The following MEIS3 variants were observed in gnomAD, a reference collection of about 807,000 sequenced individuals.
MEIS3 encodes the protein Meis homeobox 3.
A neutral mutation model predicts 51.4 loss-of-function variants in MEIS3; 38 were observed. The observed-to-expected ratio is 0.74, with a 90% CI of 0.57 to 0.97. The LOEUF is 0.97. MEIS3 is among the 50% of genes least tolerant of loss of function. The pLI is 0.00. For missense variants in MEIS3, 456 were observed against 502.6 expected, an observed-to-expected ratio of 0.91 and a Z score of 0.89; for synonymous variants, 198 against 201.8, an observed-to-expected ratio of 0.98 and a Z score of 0.16.
upstream of MEIS3, among the ~76,000 whole-genome samples, chr19:47,420,972 T>TCC (rs1971697315): frequency 7.5e-6 from 1 of 133,874 alleles, no homozygotes; most frequent in Non-Finnish European, 1.6e-5. Context: ...TCTCTCTCTC[T>TCC]CTTCCTGGCT....
intron 6 of MEIS3, 109 bp from the exon 7 acceptor site, chr19:47,409,656 G>A (rs1971031266): frequency 1.0e-5 from 7 of 685,302 alleles, no homozygotes; most frequent in South Asian, 6.5e-5. Flanking sequence ...AAGGTCAAGA[G>A]ATCAAGACCA....
At position 47,417,412 on chromosome 19, in the gene MEIS3, G is replaced by C. The variant is rs1036508278; in HGVS notation, c.13-62C>G. The C allele has an allele frequency of 5.1e-6, 8 of 1,582,024 alleles. No individual in the cohort carries two copies. The South Asian group carries it at 6.7e-5, about 13-fold the overall frequency. On this transcript the variant is annotated intron_variant, in intron 1 of 12. Transcript: ENST00000558555. ...GGAGGGGTCAGCACCCCGAGACTCG[G>C]CTGAGGAGCTTCTCTATCCTGGAAC...
upstream of MEIS3, among the ~76,000 whole-genome samples, chr19:47,421,688 GCCTGGGCTATGTCTGTCTGTCTGTCA>G (rs1208574613): frequency 1.1e-4 from 17 of 151,334 alleles, no homozygotes; most frequent in Non-Finnish European, 1.8e-4. Flanking sequence ...CTCCATCTCC[GCCTGGGCTATGTCTGTCTGTCTGTCA>G]CCTGGGCTGT....
At chr19:47,408,975 G>T in intron 8 of MEIS3, 124 bp downstream of exon 8, 1 of 1,114,830 alleles carries the variant, frequency 9.0e-7, no homozygotes, top group Non-Finnish European at 1.3e-6. Context: ...ACCTCCATGA[G>T]AGTCTCGAAA....
intron 11 of MEIS3, 29 bp downstream of exon 11, chr19:47,406,859 C>A: frequency 1.3e-6 from 2 of 1,541,748 alleles, no homozygotes; most frequent in East Asian, 2.4e-5. Context: ...TGCGCAGGGG[C>A]GGGGCCTAGC....
rs1416469839 is a variant in MEIS3 at position 47,417,258 on chromosome 19, A to G, written c.105T>C (p.Tyr35=). 2 of 1,611,204 alleles carry G rather than the reference A, an allele frequency of 1.2e-6. No homozygotes were observed. The highest frequency in any genetic ancestry group is 1.7e-5 in the Admixed American group (1 of 59,520). Residue 35 remains tyrosine (Y), a synonymous_variant, in exon 2 of 13, where the codon TAT becomes TAC. Transcript: ENST00000558555. The part of the protein sequence containing the change: ...PETVPAVPGP[Y]GPHRPPQPLP... ...GGGGCTGGGGAGGCCGGTGCGGGCCATAGGGCCCTGGTACTGCGGGCACTG... is the reference window on the plus strand; with the variant it reads ...GGGGCTGGGGAGGCCGGTGCGGGCCGTAGGGCCCTGGTACTGCGGGCACTG...
chr19:47,410,214 G>A (rs879335880), intron 6 of MEIS3, among the ~76,000 whole-genome samples: 5 of 152,212 alleles, frequency 3.3e-5, no homozygotes, highest in Non-Finnish European at 5.9e-5. Flanking sequence ...TTGGGAGGCC[G>A]AGGCAGGCGG....
intron 11 of MEIS3, 27 bp downstream of exon 11, chr19:47,406,861 G>A (rs1207736459): frequency 1.9e-6 from 3 of 1,546,550 alleles, no homozygotes; most frequent in South Asian, 1.2e-5. Flanking sequence ...CGCAGGGGCG[G>A]GGCCTAGCTA....
chr19:47,417,383 C>G (rs1382066540), intron 1 of MEIS3, 33 bp from the exon 2 acceptor site: 1 of 1,612,558 alleles, frequency 6.2e-7, no homozygotes, highest in Admixed American at 1.7e-5. Flanking sequence ...GGGCGGAGCC[C>G]CAGGGAGGGG....
chr19:47,417,892 T>C (rs1297197535), intron 1 of MEIS3: 4 of 586,658 alleles, frequency 6.8e-6, no homozygotes, highest in Admixed American at 6.3e-5. Context: ...ACGTGCACAC[T>C]CATGTGTCAG....
chr19:47,403,388 G>A lies in MEIS3; in HGVS notation c.*183C>T, dbSNP rs1458364877. 4.4e-6 allele frequency: 2 copies of A among 454,456 alleles called. No individual in the cohort carries two copies. The highest frequency in any genetic ancestry group is 3.1e-5 in the South Asian group (2 of 64,470). 28.2% of individuals were successfully genotyped at this position (454,456 alleles called of 1,614,324 possible). A position where few individuals can be genotyped will look rare whatever the true frequency, so the allele number is the denominator to read the frequency against. Reference sequence around the variant, plus strand: ...CTCAGGGCCTGGAGGCCTTGCCGGTGTCCTTGAGAGCCCTTGGATGGGCAC... The same window carrying A: ...CTCAGGGCCTGGAGGCCTTGCCGGTATCCTTGAGAGCCCTTGGATGGGCAC... On this transcript the variant is annotated 3_prime_UTR_variant, in exon 13 of 13. Transcript: ENST00000558555.
Position 47,417,269 on chromosome 19 carries a change from G to A in MEIS3, c.94C>T (p.Pro32Ser). Residue 32 changes from proline (P) to serine (S), a missense_variant, in exon 2 of 13, where the codon CCA (proline) becomes TCA (serine). Transcript: ENST00000558555. ...ASFPETVPAVPGPYGPHRPPQ... is the reference protein window; with the variant it reads ...ASFPETVPAVSGPYGPHRPPQ... The stretch of plus-strand genomic sequence containing the variant: ...GGCCGGTGCGGGCCATAGGGCCCTG[G>A]TACTGCGGGCACTGTCTCTGGGAAG... The A allele has an allele frequency of 1.2e-6, 2 of 1,613,110 alleles. No homozygotes were observed. The highest frequency in any genetic ancestry group is 1.7e-6 in the Non-Finnish European group (2 of 1,179,568).
intron 11 of MEIS3, 118 bp downstream of exon 11, chr19:47,406,770 C>T (rs1220243664): frequency 9.9e-7 from 1 of 1,011,868 alleles, no homozygotes. Context: ...TCACCTGCTT[C>T]TCACTAGGCA....
chr19:47,405,635 C>T (rs977836639), intron 12 of MEIS3, among the ~76,000 whole-genome samples: 4 of 151,274 alleles, frequency 2.6e-5, no homozygotes, highest in Non-Finnish European at 4.4e-5. Context: ...CTGTAACCTC[C>T]GCCTCCTGGG....
chr19:47,417,223 C>T lies in MEIS3; in HGVS notation c.140G>A (p.Gly47Asp). 1 of 1,588,026 alleles carries T rather than the reference C, an allele frequency of 6.3e-7. No homozygotes were observed. Among genetic ancestry groups the T allele is most frequent in the Non-Finnish European group, 8.6e-7 (1 of 1,168,754 alleles). ...CCTCTTCAGGCCGTCGCTGTCCAAG[C>T]CTGGGGGCAGGGGCTGGGGAGGCCG... ...PHRPPQPLPPGLDSDGLKREK... is the reference protein window; with the variant it reads ...PHRPPQPLPPDLDSDGLKREK... The change falls in exon 2 of 13, where the codon GGC (glycine) becomes GAC (aspartate). Residue 47 changes from glycine to aspartate, a missense_variant. Coordinates refer to ENST00000558555, the MANE Select transcript of MEIS3 (RefSeq NM_001301059.2).
At position 47,414,854 on chromosome 19, in the gene MEIS3, A is replaced by G; in HGVS notation, c.460T>C (p.Cys154Arg). 1 of 1,519,622 alleles carries G rather than the reference A, an allele frequency of 6.6e-7. No individual in the cohort carries two copies. Among genetic ancestry groups the G allele is most frequent in the Non-Finnish European group, 8.9e-7 (1 of 1,124,068 alleles). The allele number at this position is 1,519,622 out of a possible 1,614,324, so 94.1% of individuals were successfully genotyped here. A position where few individuals can be genotyped will look rare whatever the true frequency, so the allele number is the denominator to read the frequency against. Residue 154 changes from cysteine to arginine, a missense_variant, in exon 6 of 13, where the codon TGC (cysteine) becomes CGC (arginine). Coordinates refer to ENST00000558555, the MANE Select transcript of MEIS3 (RefSeq NM_001301059.2). ...ATGTAGCGGTGACAGAAGTTGTCGCACAGGTCGTGGACCTGGGGGGGCACC... is the reference window on the plus strand; with the variant it reads ...ATGTAGCGGTGACAGAAGTTGTCGCGCAGGTCGTGGACCTGGGGGGGCACC... ...LLELEKVHDL[C>R]DNFCHRYITC...
chr19:47,416,822 G>T lies in MEIS3; in HGVS notation c.327C>A (p.Ile109=), dbSNP rs777054791. 1 of 1,613,848 alleles carries T rather than the reference G, an allele frequency of 6.2e-7. No homozygotes were observed. Among genetic ancestry groups the T allele is most frequent in the Non-Finnish European group, 8.5e-7 (1 of 1,179,906 alleles). ...TGCCCACCTGCTTGGCAAAGGCAGC[G>T]ATGTCCTCGTTGAAGGAATCAGAGG... ...VCSSDSFNED[I]AAFAKQVRSE... Residue 109 remains isoleucine, a synonymous_variant, in exon 3 of 13, where the codon ATC becomes ATA. Coordinates refer to ENST00000558555, the MANE Select transcript of MEIS3 (RefSeq NM_001301059.2).
upstream of MEIS3, among the ~76,000 whole-genome samples, chr19:47,420,908 TCTCACACA>T (rs1971686985): frequency 2.1e-5 from 2 of 95,822 alleles, no homozygotes; most frequent in African/African-American, 7.7e-5. Context: ...TCTCTCTCTC[TCTCACACA>T]CACACACACA....
chr19:47,407,592 G>A (rs770757289), intron 8 of MEIS3, 164 bp from the exon 9 acceptor site: 3 of 1,460,780 alleles, frequency 2.1e-6, no homozygotes, highest in Non-Finnish European at 1.8e-6. Flanking sequence ...TGGAGACCAA[G>A]GGAGCCTCAG....
Sources: allele counts gnomAD v4.1 joint callset (sites outside exome capture counted in the v4.1 genomes callset), GRCh38; gene constraint gnomAD v4.1.1; transcripts MANE v1.5; gene names NCBI Gene and HGNC (gene_info 2026-07-23, HGNC 2026-07-21).